TRPC4AP: variants seen among roughly 807,000 people sequenced by gnomAD.
The protein encoded by TRPC4AP is short transient receptor potential channel 4-associated protein.
TRPC4AP carries 45 observed loss-of-function variants against 99.0 expected under a neutral mutation model. That is an observed-to-expected ratio of 0.45 (90% confidence interval 0.36 to 0.58). The LOEUF is 0.58. Among genes scored for constraint, TRPC4AP ranks in the 20% least tolerant of loss-of-function variants. The probability of loss-of-function intolerance (pLI) is 0.00; values close to 1 mark genes in which losing one functional copy is unlikely to be tolerated. For synonymous variants in TRPC4AP, 408 were observed against 385.8 expected (o/e 1.06, Z -0.67); for missense variants, 879 against 985.3 (o/e 0.89, Z 1.44).
chr20:35,050,725 A>G (rs1013760279), intron 5 of TRPC4AP, among the ~76,000 whole-genome samples: 8 of 150,170 alleles, frequency 5.3e-5, no homozygotes, highest in Non-Finnish European at 1.0e-4. Context: ...AAAAAAAAAC[A>G]AAACAAAAAA....
intron 1 of TRPC4AP, among the ~76,000 whole-genome samples, 175 bp from the exon 2 acceptor site, chr20:35,078,349 A>G (rs2084540047): frequency 6.6e-6 from 1 of 152,186 alleles, no homozygotes; most frequent in Admixed American, 6.5e-5. Flanking sequence ...ACAGCCTATT[A>G]CTATGTTATA....
intron 9 of TRPC4AP, among the ~76,000 whole-genome samples, chr20:35,020,543 T>C (rs1441058838): frequency 1.3e-5 from 2 of 152,174 alleles, no homozygotes; most frequent in Non-Finnish European, 2.9e-5. Context: ...TTGCCCAGAC[T>C]TGTGACAGTC....
chr20:35,040,620 T>C (rs2083426506), intron 7 of TRPC4AP, among the ~76,000 whole-genome samples: 1 of 152,206 alleles, frequency 6.6e-6, no homozygotes, highest in Non-Finnish European at 1.5e-5. Context: ...TTATTTATTT[T>C]TGGAGACGGA....
chr20:35,004,501 A>G lies in TRPC4AP; in HGVS notation c.2006T>C (p.Leu669Pro). 6.2e-7 allele frequency: 1 copy of G among 1,614,118 alleles called. No individual in the cohort carries two copies. Among genetic ancestry groups the G allele is most frequent in the Non-Finnish European group, 8.5e-7 (1 of 1,179,998 alleles). Residue 669 changes from leucine (L) to proline (P), a missense_variant, in exon 17 of 19, where the codon CTC becomes CCC. Transcript: ENST00000252015. ...ISQVPTQMSFLFRLINIIHVQ... is the reference protein window; with the variant it reads ...ISQVPTQMSFPFRLINIIHVQ... Reference sequence around the variant, plus strand: ...GTGGATGATGTTGATGAGGCGGAAGAGGAAGGACATCTGCGTGGGCACCTG... The same window carrying G: ...GTGGATGATGTTGATGAGGCGGAAGGGGAAGGACATCTGCGTGGGCACCTG...
intron 3 of TRPC4AP, among the ~76,000 whole-genome samples, chr20:35,063,043 G>A (rs918491513): frequency 1.3e-5 from 2 of 152,216 alleles, no homozygotes; most frequent in African/African-American, 4.8e-5. Context: ...CATGTGTCAA[G>A]GGTGGGACCA....
At position 35,044,710 on chromosome 20, in the gene TRPC4AP, T is replaced by C. The variant is rs1168124340; in HGVS notation, c.660A>G (p.Glu220=). ...LIEDILGVKK[E]MIRLDEVPNL... Reference sequence around the variant, plus strand: ...TGGGGACTTCATCTAGTCGGATCATTTCCTACAGAAGACAAAAATGAAACA... The same window carrying C: ...TGGGGACTTCATCTAGTCGGATCATCTCCTACAGAAGACAAAAATGAAACA... The change falls in exon 7 of 19, where the codon GAA becomes GAG. Residue 220 remains glutamate (E), a splice_region_variant and synonymous_variant. Coordinates refer to ENST00000252015, the MANE Select transcript of TRPC4AP (RefSeq NM_015638.3). The C allele has an allele frequency of 6.2e-7, 1 of 1,613,902 alleles. No individual in the cohort carries two copies. Among genetic ancestry groups the C allele is most frequent in the South Asian group, 1.1e-5 (1 of 91,072 alleles).
At chr20:35,088,087 G>A (rs1017725981) in intron 1 of TRPC4AP, among the ~76,000 whole-genome samples, 1 of 152,216 alleles carries the variant, frequency 6.6e-6, no homozygotes, top group Non-Finnish European at 1.5e-5. Flanking sequence ...ATCCGTCAGC[G>A]TATAGAGCAG....
At chr20:35,035,398 A>C in intron 7 of TRPC4AP, 90 bp from the exon 8 acceptor site, 2 of 1,309,826 alleles carry the variant, frequency 1.5e-6, no homozygotes, top group Non-Finnish European at 2.1e-6. Flanking sequence ...GCATGATAGG[A>C]ATAATTCTTA....
intron 8 of TRPC4AP, among the ~76,000 whole-genome samples, chr20:35,022,957 A>G (rs1055333420): frequency 6.6e-6 from 1 of 151,932 alleles, no homozygotes; most frequent in Admixed American, 6.6e-5. Context: ...TGGAAGGTGA[A>G]GGTTGCAGTG....
intron 8 of TRPC4AP, chr20:35,030,240 T>C (rs1214240409): frequency 1.1e-3 from 28 of 25,090 alleles, no homozygotes; most frequent in African/African-American, 7.6e-3. Context: ...AAACTCCATA[T>C]CAAAAAAAAA....
At chr20:35,059,565 G>A (rs2083924862) in intron 3 of TRPC4AP, among the ~76,000 whole-genome samples, 1 of 152,124 alleles carries the variant, frequency 6.6e-6, no homozygotes, top group Admixed American at 6.6e-5. Flanking sequence ...GACTGAGGCA[G>A]GAGGATTACT....
chr20:35,019,268 G>C (rs992988694), intron 9 of TRPC4AP, among the ~76,000 whole-genome samples: 1 of 152,204 alleles, frequency 6.6e-6, no homozygotes, highest in African/African-American at 2.4e-5. Context: ...ACACGCTAGT[G>C]AAACAGTGGT....
At chr20:35,032,862 G>C (rs929014646) in intron 8 of TRPC4AP, among the ~76,000 whole-genome samples, 3 of 151,930 alleles carry the variant, frequency 2.0e-5, no homozygotes, top group Non-Finnish European at 4.4e-5. Flanking sequence ...TTGTGTATAG[G>C]TTACACTTCC....
chr20:35,036,694 C>G (rs939252261), intron 7 of TRPC4AP, among the ~76,000 whole-genome samples: 1 of 151,856 alleles, frequency 6.6e-6, no homozygotes, highest in African/African-American at 2.4e-5. Context: ...TGCCTGTAAT[C>G]CTAGCACTTT....
At chr20:35,077,950 A>G (rs1287633446) in intron 2 of TRPC4AP, 96 bp downstream of exon 2, 3 of 1,397,254 alleles carry the variant, frequency 2.1e-6, no homozygotes, top group Admixed American at 4.6e-5. Context: ...AAAACAGGCT[A>G]TTTTTAAAAG....
chr20:35,034,642 AG>A (rs1444993900), intron 8 of TRPC4AP, among the ~76,000 whole-genome samples: 1 of 152,202 alleles, frequency 6.6e-6, no homozygotes, highest in Non-Finnish European at 1.5e-5. Context: ...AAATGCTTTA[AG>A]GCTGGGCACC....
intron 5 of TRPC4AP, among the ~76,000 whole-genome samples, chr20:35,051,397 A>C (rs1002374619): frequency 6.6e-6 from 1 of 152,086 alleles, no homozygotes. Flanking sequence ...AGCCTCAATC[A>C]CCTGGGCTCA....
At chr20:35,086,521 ATATATGTGTGTG>A (rs1463495716) in intron 1 of TRPC4AP, among the ~76,000 whole-genome samples, 5 of 61,842 alleles carry the variant, frequency 8.1e-5, no homozygotes, top group African/African-American at 3.4e-4. Context: ...GTGTGTGTGT[ATATATGTGTGTG>A]TGTGTGTGTG....
chr20:35,040,378 A>C (rs760832213), intron 7 of TRPC4AP, among the ~76,000 whole-genome samples: 1 of 152,172 alleles, frequency 6.6e-6, no homozygotes, highest in East Asian at 1.9e-4. Flanking sequence ...GAAAACAAAA[A>C]GGGATTCTCC....
Sources: gnomAD v4.1 joint callset for allele counts (sites outside exome capture counted in the v4.1 genomes callset) on GRCh38, gnomAD v4.1.1 for gene constraint, MANE v1.5 for transcripts, NCBI Gene and HGNC (gene_info 2026-07-23, HGNC 2026-07-21) for gene names.